RFTN2: variants seen among roughly 807,000 people sequenced by gnomAD.
The protein encoded by RFTN2 is raftlin family member 2.
Under a neutral mutation model 52.7 loss-of-function variants are expected in RFTN2, and 34 were observed. The observed-to-expected ratio is 0.64, with a 90% CI of 0.49 to 0.86. RFTN2 has a LOEUF of 0.86. Among genes scored for constraint, RFTN2 ranks in the 40% least tolerant of loss-of-function variants. The pLI is 0.00. For missense variants in RFTN2, 536 were observed against 600.1 expected (o/e 0.89, Z 1.12); for synonymous variants, 203 against 217.7 (o/e 0.93, Z 0.59).
chr2:197,609,843 C>A (rs1453704378), intron 7 of RFTN2, among the ~76,000 whole-genome samples: 1 of 152,180 alleles, frequency 6.6e-6, no homozygotes, highest in African/African-American at 2.4e-5. Flanking sequence ...TATGGCTAGC[C>A]AGTTTTCCCA....
At chr2:197,651,982 T>C (rs1044204739) in intron 1 of RFTN2, among the ~76,000 whole-genome samples, 6 of 152,218 alleles carry the variant, frequency 3.9e-5, no homozygotes, top group African/African-American at 9.6e-5. Flanking sequence ...TAGATTGTGG[T>C]TGATTACAAA....
chr2:197,647,975 C>A (rs959694110), intron 1 of RFTN2, among the ~76,000 whole-genome samples: 8 of 152,190 alleles, frequency 5.3e-5, no homozygotes, highest in African/African-American at 1.9e-4. Flanking sequence ...GTATGAAAAA[C>A]AATCAAGAAG....
At chr2:197,647,944 G>A (rs1027588940) in intron 1 of RFTN2, among the ~76,000 whole-genome samples, 5 of 152,194 alleles carry the variant, frequency 3.3e-5, no homozygotes, top group Non-Finnish European at 7.3e-5. Flanking sequence ...AACTTTATTT[G>A]CTACAACAAT....
chr2:197,644,415 A>G, intron 2 of RFTN2, 143 bp from the exon 3 acceptor site: 1 of 512,474 alleles, frequency 2.0e-6, no homozygotes, highest in Non-Finnish European at 3.5e-6. Context: ...CTATCTTCTT[A>G]TATAAAAATA....
intron 5 of RFTN2, among the ~76,000 whole-genome samples, chr2:197,625,747 C>T (rs2088348995): frequency 7.0e-6 from 1 of 142,820 alleles, no homozygotes; most frequent in East Asian, 2.1e-4. Context: ...CCCTCCTCTC[C>T]CCTCCCTTCT....
chr2:197,637,170 A>G (rs1232265664), intron 3 of RFTN2, among the ~76,000 whole-genome samples: 1 of 150,932 alleles, frequency 6.6e-6, no homozygotes, highest in East Asian at 1.9e-4. Context: ...TTTTGCATCA[A>G]TGTTCATCAA....
chr2:197,629,845 T>G (rs970870965), intron 5 of RFTN2, among the ~76,000 whole-genome samples: 11 of 152,002 alleles, frequency 7.2e-5, no homozygotes, highest in African/African-American at 2.7e-4. Context: ...CACATCAGCC[T>G]CCTGGGTAGC....
chr2:197,647,488 G>A (rs2088770264), intron 1 of RFTN2, among the ~76,000 whole-genome samples: 1 of 152,014 alleles, frequency 6.6e-6, no homozygotes, highest in Admixed American at 6.6e-5. Flanking sequence ...GGGATTATAG[G>A]TGTGAGCCAG....
intron 3 of RFTN2, among the ~76,000 whole-genome samples, 157 bp downstream of exon 3, chr2:197,644,001 C>G (rs2088711161): frequency 6.6e-6 from 1 of 152,142 alleles, no homozygotes; most frequent in South Asian, 2.1e-4. Flanking sequence ...GTTTTAAACG[C>G]TTTACCATTT....
At chr2:197,624,035 G>C (rs1574717322) in intron 5 of RFTN2, among the ~76,000 whole-genome samples, 1 of 152,206 alleles carries the variant, frequency 6.6e-6, no homozygotes, top group African/African-American at 2.4e-5. Context: ...CTGACCTCAA[G>C]TGATCCTCCC....
chr2:197,591,873 G>A (rs545925664), intron 8 of RFTN2, among the ~76,000 whole-genome samples: 75 of 152,094 alleles, frequency 4.9e-4, no homozygotes, highest in African/African-American at 1.8e-3. Flanking sequence ...TCTGGAACTC[G>A]CCCTGGCTTG....
intron 8 of RFTN2, among the ~76,000 whole-genome samples, chr2:197,576,214 G>C (rs1045307798): frequency 3.3e-5 from 5 of 151,972 alleles, no homozygotes; most frequent in African/African-American, 1.2e-4. Context: ...CAACATGTTG[G>C]CCAGCTGGTC....
intron 8 of RFTN2, among the ~76,000 whole-genome samples, chr2:197,575,769 ATATATATTC>A (rs2106160760): frequency 6.9e-6 from 1 of 143,964 alleles, no homozygotes; most frequent in East Asian, 2.0e-4. Context: ...TATATATATA[ATATATATTC>A]TATATATAAT....
At chr2:197,619,750 AAAT>A (rs1553602244) in intron 5 of RFTN2, among the ~76,000 whole-genome samples, 3 of 144,480 alleles carry the variant, frequency 2.1e-5, no homozygotes, top group South Asian at 2.1e-4. Context: ...TAAAAAAAAA[AAAT>A]AATAATAACA....
Position 197,633,978 on chromosome 2 carries a change from C to A in RFTN2, c.458G>T (p.Arg153Ile). 1 of 1,611,562 alleles carries A rather than the reference C, an allele frequency of 6.2e-7. No homozygotes were observed. The change falls in exon 4 of 9, where the codon AGA becomes ATA. Residue 153 changes from arginine to isoleucine, a missense_variant. Transcript: ENST00000295049. ...LIEKINVAAK[R>I]GMKFVGFISQ... Reference sequence around the variant, plus strand: ...TATGAATCCAACAAATTTCATTCCTCTTTTAGCAGCGACATTAATCTGATA... The same window carrying A: ...TATGAATCCAACAAATTTCATTCCTATTTTAGCAGCGACATTAATCTGATA...
At chr2:197,666,447 C>A (rs2089063480) in intron 1 of RFTN2, among the ~76,000 whole-genome samples, 1 of 152,190 alleles carries the variant, frequency 6.6e-6, no homozygotes, top group Admixed American at 6.5e-5. Flanking sequence ...TCTTTGAGCA[C>A]TTTGAACATG....
chr2:197,618,023 CAT>C (rs1301438125), intron 5 of RFTN2, 102 bp from the exon 6 acceptor site: 1 of 949,920 alleles, frequency 1.1e-6, no homozygotes, highest in Non-Finnish European at 1.4e-6. Context: ...GAAGGAAAAA[CAT>C]TTCAATTAAA....
intron 1 of RFTN2, among the ~76,000 whole-genome samples, chr2:197,653,880 C>A (rs1229976743): frequency 6.6e-6 from 1 of 152,188 alleles, no homozygotes; most frequent in Non-Finnish European, 1.5e-5. Flanking sequence ...TACACTTTCA[C>A]AATTTTGGTC....
chr2:197,659,850 A>G (rs1297295013), intron 1 of RFTN2, among the ~76,000 whole-genome samples: 1 of 152,224 alleles, frequency 6.6e-6, no homozygotes, highest in East Asian at 1.9e-4. Flanking sequence ...AAACACTAGC[A>G]AGTCCACATT....
Sources: gnomAD v4.1 joint callset for allele counts (sites outside exome capture counted in the v4.1 genomes callset) on GRCh38, gnomAD v4.1.1 for gene constraint, MANE v1.5 for transcripts, NCBI Gene and HGNC (gene_info 2026-07-23, HGNC 2026-07-21) for gene names.